The following ERCC6L2 variants were observed in gnomAD, a reference collection of about 807,000 sequenced individuals.
ERCC6L2 encodes ERCC excision repair 6 like 2, also known as DNA excision repair protein ERCC-6-like 2.
ERCC6L2 carries 77 observed loss-of-function variants against 132.0 expected under a neutral mutation model. The ratio of observed to expected loss-of-function variants is 0.58; its 90% CI spans 0.49 to 0.71. The LOEUF is 0.71. ERCC6L2 is among the 30% of genes least tolerant of loss of function. ERCC6L2 has a pLI of 0.00. For missense variants in ERCC6L2, 1,542 were observed against 1,837.6 expected (o/e 0.84, Z 2.94); for synonymous variants, 583 against 632.4 (o/e 0.92, Z 1.17).
At chr9:95,879,966 C>T (rs1358248871) in intron 1 of ERCC6L2, among the ~76,000 whole-genome samples, 1 of 152,036 alleles carries the variant, frequency 6.6e-6, no homozygotes, top group Admixed American at 6.5e-5. Flanking sequence ...ACTTAGTTTT[C>T]TTTATTTGAT....
intron 2 of ERCC6L2, among the ~76,000 whole-genome samples, chr9:95,895,110 T>G (rs562529174): frequency 6.6e-6 from 1 of 152,312 alleles, no homozygotes; most frequent in African/African-American, 2.4e-5. Flanking sequence ...TTTCAATAAA[T>G]TTTTCTTTAT....
chr9:95,955,509 C>G (rs995915424), intron 12 of ERCC6L2, among the ~76,000 whole-genome samples: 1 of 150,678 alleles, frequency 6.6e-6, no homozygotes, highest in Non-Finnish European at 1.5e-5. Flanking sequence ...TCCCCATCCC[C>G]TTATCCCCAA....
chr9:95,921,309 T>C lies in ERCC6L2; in HGVS notation c.1293T>C (p.Cys431=), dbSNP rs866414421. The change falls in exon 7 of 19, where the codon TGT becomes TGC. Residue 431 remains cysteine, a synonymous_variant. Coordinates refer to ENST00000653738, the MANE Select transcript of ERCC6L2 (RefSeq NM_020207.7). ...GTGGCCAAAAAAGGAGAAATTGTTG[T>C]TATAAGGCAAGCATTTCAATATATC... ...CRSGQKRRNC[C]YKTNSHGETV... is the part of the protein sequence containing the mutation. 2.7e-5 allele frequency: 44 copies of C among 1,610,778 alleles called. No individual in the cohort carries two copies. The Middle Eastern group carries it at 3.3e-3, about 121-fold the overall frequency.
At position 95,897,947 on chromosome 9, in the gene ERCC6L2, A is replaced by T; in HGVS notation, c.570A>T (p.Glu190Asp). Residue 190 changes from glutamate to aspartate, a missense_variant, in exon 3 of 19, where the codon GAA becomes GAT. Glu to Asp is a conservative substitution (Grantham distance 45). Coordinates refer to ENST00000653738, the MANE Select transcript of ERCC6L2 (RefSeq NM_020207.7). ...PEFLLRSMKK[E>D]PLSSTAKKMF... ...TTTTACTAAGAAGTATGAAAAAGGA[A>T]CCCCTTTCTTCTACAGCAAAAAAGG... 6.2e-7 allele frequency: 1 copy of T among 1,611,676 alleles called. No homozygotes were observed. Among genetic ancestry groups the T allele is most frequent in the Non-Finnish European group, 8.5e-7 (1 of 1,178,936 alleles).
At position 95,928,760 on chromosome 9, in the gene ERCC6L2, T is replaced by C. The variant is rs1432789013; in HGVS notation, c.1647T>C (p.Leu549=). ...VLQQYCMASG[L]DYRRLDGSTK... is the part of the protein sequence containing the mutation. ...AGCAGTACTGTATGGCGTCTGGGCT[T>C]GATTACCGACGACTTGATGGAAGTA... The change falls in exon 11 of 19, where the codon CTT becomes CTC. Residue 549 remains leucine (L), a synonymous_variant. Transcript: ENST00000653738. 1.2e-6 allele frequency: 2 copies of C among 1,613,362 alleles called. No homozygotes were observed. The highest frequency in any genetic ancestry group is 2.7e-5 in the African/African-American group (2 of 74,882).
At chr9:96,028,608 G>A (rs1564311871) in intron 19 of ERCC6L2, among the ~76,000 whole-genome samples, 2 of 152,140 alleles carry the variant, frequency 1.3e-5, no homozygotes, top group Non-Finnish European at 2.9e-5. Context: ...TAGTAAGGGC[G>A]TCCCTAATAA....
At chr9:96,003,416 A>G (rs949684171) in intron 17 of ERCC6L2, among the ~76,000 whole-genome samples, 2 of 152,172 alleles carry the variant, frequency 1.3e-5, no homozygotes, top group African/African-American at 4.8e-5. Context: ...ATCGCATTCC[A>G]CACATGGCAC....
rs1480433270 is a variant in ERCC6L2 at position 95,973,048 on chromosome 9, TAATC to T, written c.3300_3303del (p.Asn1100LysfsTer12). On this transcript the variant is annotated frameshift_variant, in exon 16 of 19. Coordinates refer to ENST00000653738, the MANE Select transcript of ERCC6L2 (RefSeq NM_020207.7). LOFTEE classifies it high-confidence loss of function. The stretch of plus-strand genomic sequence containing the variant: ...TGAAATGTTCAAATGAGAAAGTTGT[TAATC>T]AAGAGCAGTCGTATGAATCAATGGA... 3 of 1,361,628 alleles carry T rather than the reference TAATC, an allele frequency of 2.2e-6. No individual in the cohort carries two copies. The highest frequency in any genetic ancestry group is 1.9e-5 in the Admixed American group (1 of 51,592). 84.3% of individuals were successfully genotyped at this position (1,361,628 alleles called of 1,614,324 possible). A position where few individuals can be genotyped will look rare whatever the true frequency, so the allele number is the denominator to read the frequency against.
intron 11 of ERCC6L2, among the ~76,000 whole-genome samples, chr9:95,932,854 C>G (rs1830399398): frequency 6.6e-6 from 1 of 152,178 alleles, no homozygotes; most frequent in African/African-American, 2.4e-5. Context: ...TACCAGTCCT[C>G]AGTTCGAAAA....
At chr9:95,905,067 C>T (rs942812100) in intron 3 of ERCC6L2, 9 of 152,106 alleles carry the variant, frequency 5.9e-5, no homozygotes, top group African/African-American at 1.7e-4. Context: ...TAAGCAGGGT[C>T]GGACCTGGTT....
intron 11 of ERCC6L2, among the ~76,000 whole-genome samples, chr9:95,937,057 G>A (rs1030324665): frequency 1.3e-5 from 2 of 152,060 alleles, no homozygotes; most frequent in Admixed American, 6.6e-5. Flanking sequence ...TCCAGTTTTC[G>A]GCTGTGACAG....
chr9:95,884,462 T>G (rs1019849264), intron 2 of ERCC6L2, among the ~76,000 whole-genome samples: 1 of 151,476 alleles, frequency 6.6e-6, no homozygotes, highest in Non-Finnish European at 1.5e-5. Context: ...ATTTACTGTT[T>G]GAGCTATAGT....
At chr9:95,996,847 CA>C (rs1833488222) in intron 17 of ERCC6L2, among the ~76,000 whole-genome samples, 1 of 152,094 alleles carries the variant, frequency 6.6e-6, no homozygotes, top group Non-Finnish European at 1.5e-5. Context: ...TGGAAATGTA[CA>C]AGGAAATGAA....
intron 13 of ERCC6L2, among the ~76,000 whole-genome samples, chr9:95,963,905 C>G (rs766428324): frequency 6.6e-6 from 1 of 152,152 alleles, no homozygotes. Flanking sequence ...ATGGGGGTGA[C>G]CTGCCCTACT....
chr9:95,945,569 A>G (rs1309070644), intron 12 of ERCC6L2, among the ~76,000 whole-genome samples: 1 of 152,232 alleles, frequency 6.6e-6, no homozygotes, highest in African/African-American at 2.4e-5. Flanking sequence ...TGAAATCTTC[A>G]CAATTTATGT....
chr9:96,024,334 TA>T (rs1834333760), intron 19 of ERCC6L2, among the ~76,000 whole-genome samples: 1 of 152,180 alleles, frequency 6.6e-6, no homozygotes, highest in African/African-American at 2.4e-5. Context: ...TGAAGGGAAG[TA>T]GGGGACATAG....
intron 4 of ERCC6L2, 64 bp from the exon 5 acceptor site, chr9:95,915,604 A>G: frequency 6.7e-7 from 1 of 1,483,110 alleles, no homozygotes. Context: ...GCTACTGTCT[A>G]AAATTGTAAG....
chr9:95,952,194 A>C (rs1831368773), intron 12 of ERCC6L2, among the ~76,000 whole-genome samples: 1 of 150,306 alleles, frequency 6.7e-6, no homozygotes, highest in Admixed American at 6.6e-5. Flanking sequence ...AAGAATTTGC[A>C]CCAATCCTTC....
intron 14 of ERCC6L2, chr9:95,968,780 G>C (rs1225060802): frequency 1.3e-5 from 2 of 152,062 alleles, no homozygotes; most frequent in African/African-American, 4.8e-5. Flanking sequence ...CTAAATGTCA[G>C]GTACTGTTCA....
Sources: gnomAD v4.1 joint callset for allele counts (sites outside exome capture counted in the v4.1 genomes callset) on GRCh38, gnomAD v4.1.1 for gene constraint, MANE v1.5 for transcripts, NCBI Gene and HGNC (gene_info 2026-07-23, HGNC 2026-07-21) for gene names.